FKBP15: variants seen among roughly 807,000 people sequenced by gnomAD.
FKBP15 encodes the protein FKBP prolyl isomerase family member 15.
FKBP15 carries 106 observed loss-of-function variants against 158.1 expected under a neutral mutation model. The observed-to-expected ratio is 0.67, with a 90% confidence interval of 0.57 to 0.79. FKBP15 has a LOEUF of 0.79. Ranked by LOEUF, FKBP15 falls within the 30% of genes least tolerant of loss-of-function variation. The pLI is 0.00. For missense variants in FKBP15, 1,287 were observed against 1,479.1 expected (o/e 0.87, Z 2.13); for synonymous variants, 547 against 548.6 (o/e 1.00, Z 0.04).
intron 1 of FKBP15, among the ~76,000 whole-genome samples, chr9:113,215,942 C>T (rs186574430): frequency 3.3e-5 from 5 of 151,808 alleles, no homozygotes; most frequent in African/African-American, 1.2e-4. Flanking sequence ...TGAGCCATTG[C>T]AACTGACCAA....
Position 113,174,443 on chromosome 9 carries a change from T to C in FKBP15, c.2364A>G (p.Gln788=). 2 of 1,613,902 alleles carry C rather than the reference T, an allele frequency of 1.2e-6. No homozygotes were observed. The highest frequency in any genetic ancestry group is 1.7e-6 in the Non-Finnish European group (2 of 1,179,828). The change falls in exon 22 of 28, where the codon CAA becomes CAG. Residue 788 remains glutamine (Q), a synonymous_variant. Transcript: ENST00000238256. The part of the protein sequence containing the change: ...LLKKTRVSTD[Q]AAAEQLSLVQ... ...TTCCCATTACCTGCTCTGCAGCTGC[T>C]TGGTCTGTGGACACTCGAGTCTTTT...
At position 113,168,397 on chromosome 9, in the gene FKBP15, G is replaced by C. The variant is rs1308528174; in HGVS notation, c.3582+63C>G. On this transcript the variant is annotated intron_variant, in intron 27 of 27. Transcript: ENST00000238256. ...AACAGGCTCCATTTCTCTTCTCAGA[G>C]CCAGTAGGGAAGAGCCCCCAGGTGG... The C allele has an allele frequency of 2.9e-6, 4 of 1,384,780 alleles. No individual in the cohort carries two copies. The East Asian group carries it at 9.2e-5, about 32-fold the overall frequency. 85.8% of individuals were successfully genotyped at this position (1,384,780 alleles called of 1,614,324 possible).
intron 22 of FKBP15, 85 bp downstream of exon 22, chr9:113,174,343 A>G (rs368530174): frequency 2.8e-6 from 4 of 1,430,354 alleles, no homozygotes; most frequent in East Asian, 4.7e-5. Context: ...TGTCATCCTA[A>G]AGGGTAAGGA....
Position 113,163,637 on chromosome 9 carries a change from C to G in FKBP15, c.*2441G>C, listed in dbSNP as rs1587944017. On this transcript the variant is annotated 3_prime_UTR_variant, in exon 28 of 28. Transcript: ENST00000238256. Reference sequence around the variant, plus strand: ...TGACAGCTGATTAAAGGCAGAGACACAGGACTGCTTTCAGGCTCCTGGTTT... The same window carrying G: ...TGACAGCTGATTAAAGGCAGAGACAGAGGACTGCTTTCAGGCTCCTGGTTT... The G allele has an allele frequency of 6.6e-6, 1 of 152,222 alleles. No individual in the cohort carries two copies. Among genetic ancestry groups the G allele is most frequent in the Non-Finnish European group, 1.5e-5 (1 of 68,002 alleles). 9.4% of individuals were successfully genotyped at this position (152,222 alleles called of 1,614,324 possible). A position where few individuals can be genotyped will look rare whatever the true frequency, so the allele number is the denominator to read the frequency against.
chr9:113,192,035 TA>T (rs11409285), intron 11 of FKBP15, among the ~76,000 whole-genome samples: 1,701 of 148,116 alleles, frequency 0.011, 35 homozygotes, highest in African/African-American at 0.039. Context: ...CAAATTTGTT[TA>T]AAAAAAAAAA....
chr9:113,192,144 AATATTGGACC>A (rs1026597889), intron 11 of FKBP15, among the ~76,000 whole-genome samples: 2 of 152,192 alleles, frequency 1.3e-5, no homozygotes, highest in African/African-American at 4.8e-5. Context: ...CAATGGAACC[AATATTGGACC>A]ATTTTTGTGA....
At position 113,183,832 on chromosome 9, in the gene FKBP15, A is replaced by C. The variant is rs1830441954; in HGVS notation, c.1730T>G (p.Leu577Trp). 3.7e-6 allele frequency: 6 copies of C among 1,612,554 alleles called. No homozygotes were observed. The highest frequency in any genetic ancestry group is 2.7e-5 in the African/African-American group (2 of 74,990). Residue 577 changes from leucine (L) to tryptophan (W), a missense_variant, in exon 18 of 28, where the codon TTG becomes TGG. By Grantham distance (61) the Leu-to-Trp change is moderately conservative. Transcript: ENST00000238256. ...GCTCTTTTCAAGGATCTCTTGCTTC[A>C]ATCTTTCATTTTCCTAATTTCAAAA... Reference protein sequence around the residue: ...IQRIIQENERLKQEILEKSNR... With the variant: ...IQRIIQENERWKQEILEKSNR...
Position 113,198,267 on chromosome 9 carries a change from G to A in FKBP15, c.717+588C>T, listed in dbSNP as rs10981683. On this transcript the variant is annotated intron_variant, in intron 8 of 27. Transcript: ENST00000238256. This position sits in a 1 kb window ranked among gnomAD's most constrained non-coding sequence, Gnocchi z 5.2. ...AACTGTCTCACTTTTTCCCCTGTTA[G>A]GCTATAGGAAGGATGAAATAATATT... Among the ~76,000 whole-genome samples, 8,329 of 152,224 alleles carry A rather than the reference G, an allele frequency of 0.055. 283 individuals are homozygous for A. The highest frequency in any genetic ancestry group is 0.13 in the South Asian group (649 of 4,828).
intron 22 of FKBP15, among the ~76,000 whole-genome samples, chr9:113,173,889 C>T (rs958941375): frequency 6.6e-6 from 1 of 152,114 alleles, no homozygotes; most frequent in Non-Finnish European, 1.5e-5. Context: ...GGGTCTGAAC[C>T]CTAAACTTTA....
At chr9:113,209,149 T>G (rs10081701) in intron 2 of FKBP15, among the ~76,000 whole-genome samples, 1 of 152,006 alleles carries the variant, frequency 6.6e-6, no homozygotes, top group African/African-American at 2.4e-5. Context: ...AAACTCATAG[T>G]TGCTGTCTTC....
At chr9:113,206,696 A>G in intron 3 of FKBP15, 118 bp from the exon 4 acceptor site, 5 of 630,284 alleles carry the variant, frequency 7.9e-6, no homozygotes, top group South Asian at 7.9e-5. Context: ...GCAGGGACAC[A>G]GGTGAGCGGT....
rs573078768 is a variant in FKBP15 at position 113,207,487 on chromosome 9, G to A, written c.170-191C>T. On this transcript the variant is annotated intron_variant, in intron 2 of 27. Transcript: ENST00000238256. ...CATGAGTAGCTGGGATTCCAGTTGC[G>A]TGCCACCACATCCGGCTAATTTTTG... Among the ~76,000 whole-genome samples the A allele has an allele frequency of 5.3e-5, 8 of 151,656 alleles. No homozygotes were observed. In the East Asian group the frequency reaches 7.7e-4, roughly 15 times the overall value.
At chr9:113,219,271 T>C (rs2118969559) in intron 1 of FKBP15, among the ~76,000 whole-genome samples, 1 of 152,340 alleles carries the variant, frequency 6.6e-6, no homozygotes, top group East Asian at 1.9e-4. Context: ...ATATCCTTCA[T>C]GAAATCAAGC....
rs1830027052 is a variant in FKBP15 at position 113,162,348 on chromosome 9, G to A, written c.*3730C>T. 1 of 215,824 alleles carries A rather than the reference G, an allele frequency of 4.6e-6. No individual in the cohort carries two copies. Among genetic ancestry groups the A allele is most frequent in the Non-Finnish European group, 9.2e-6 (1 of 109,166 alleles). The allele number at this position is 215,824 out of a possible 1,614,324, so 13.4% of individuals were successfully genotyped here. ...TCTAGGCCACTTTTAGTTAGTGGCAGGTCTAGGAACTGATAATGTCACCTA... is the reference window on the plus strand; with the variant it reads ...TCTAGGCCACTTTTAGTTAGTGGCAAGTCTAGGAACTGATAATGTCACCTA... On this transcript the variant is annotated 3_prime_UTR_variant, in exon 28 of 28. Coordinates refer to ENST00000238256, the MANE Select transcript of FKBP15 (RefSeq NM_015258.2).
chr9:113,210,423 C>T (rs893527701), intron 2 of FKBP15, among the ~76,000 whole-genome samples: 1 of 151,142 alleles, frequency 6.6e-6, no homozygotes, highest in Non-Finnish European at 1.5e-5. Context: ...ACCTCCGCCT[C>T]CCGGCTTCAA....
intron 1 of FKBP15, among the ~76,000 whole-genome samples, chr9:113,218,195 C>T (rs1412701403): frequency 6.6e-6 from 1 of 151,800 alleles, no homozygotes; most frequent in Admixed American, 6.6e-5. Context: ...ATCAAACATC[C>T]ATTTCAATAA....
chr9:113,190,641 T>G, intron 11 of FKBP15, 63 bp from the exon 12 acceptor site: 97 of 1,239,150 alleles, frequency 7.8e-5, no homozygotes, highest in Non-Finnish European at 1.0e-4. Context: ...CAGGCAGCTC[T>G]ATCCCTTTGG....
chr9:113,221,044 A>G (rs1831242433), intron 1 of FKBP15, 147 bp downstream of exon 1: 1 of 848,184 alleles, frequency 1.2e-6, no homozygotes, highest in Admixed American at 2.9e-5. Flanking sequence ...AGTTCTGCCC[A>G]GATTCTGAGA....
At position 113,176,606 on chromosome 9, in the gene FKBP15, C is replaced by T. The variant is rs201156366; in HGVS notation, c.2154G>A (p.Leu718=). The T allele has an allele frequency of 4.3e-5, 68 of 1,594,112 alleles. No individual in the cohort carries two copies. The African/African-American group carries it at 8.3e-4, about 19-fold the overall frequency. ...FKSEKQNRKQ[L]ELKVTSLEEE... ...CCTCCAGGGATGTCACCTTGAGTTC[C>T]AGTTGTTTCCGGTTCTGCTTTTCAC... The change falls in exon 21 of 28, where the codon CTG becomes CTA. Residue 718 remains leucine (L), a synonymous_variant. Transcript: ENST00000238256.
Sources: gnomAD v4.1 joint callset for allele counts (sites outside exome capture counted in the v4.1 genomes callset) on GRCh38, gnomAD v4.1.1 for gene constraint, Gnocchi (gnomAD v3.1) non-coding constraint, MANE v1.5 for transcripts, NCBI Gene and HGNC (gene_info 2026-07-23, HGNC 2026-07-21) for gene names.